MINDY4: variants seen among roughly 807,000 people sequenced by gnomAD.
MINDY4 encodes MINDY lysine 48 deubiquitinase 4.
Under a neutral mutation model 87.0 loss-of-function variants are expected in MINDY4, and 68 were observed. That is an observed-to-expected ratio of 0.78 (90% CI 0.64 to 0.96). The LOEUF (loss-of-function observed/expected upper bound fraction) is 0.96, where lower values mean the gene tolerates loss of function less well. Among genes scored for constraint, MINDY4 ranks in the 40% least tolerant of loss-of-function variants. MINDY4 has a pLI of 0.00. For missense variants in MINDY4, 919 were observed against 928.2 expected (o/e 0.99, Z 0.13); for synonymous variants, 379 against 363.2 (o/e 1.04, Z -0.50).
At chr7:30,795,143 G>C (rs1160117298) in intron 5 of MINDY4, among the ~76,000 whole-genome samples, 2 of 152,134 alleles carry the variant, frequency 1.3e-5, no homozygotes, top group Non-Finnish European at 2.9e-5. Context: ...GGGCCCCTCA[G>C]AGTGAGTTTC....
intron 3 of MINDY4, among the ~76,000 whole-genome samples, chr7:30,784,318 A>G (rs1175987223): frequency 6.6e-6 from 1 of 152,226 alleles, no homozygotes; most frequent in East Asian, 1.9e-4. Flanking sequence ...CATCTTCTGC[A>G]TCTGTGAGTC....
chr7:30,779,000 G>C (rs1285659280), intron 2 of MINDY4, among the ~76,000 whole-genome samples: 1 of 152,170 alleles, frequency 6.6e-6, no homozygotes, highest in Admixed American at 6.5e-5. Context: ...AATTTAGGTA[G>C]AGGAGGGAAT....
chr7:30,849,162 G>A (rs1228449881), intron 9 of MINDY4, among the ~76,000 whole-genome samples: 1 of 152,146 alleles, frequency 6.6e-6, no homozygotes, highest in Non-Finnish European at 1.5e-5. Flanking sequence ...GTGGTGGGCT[G>A]GGTTCTGGTC....
chr7:30,785,978 G>T lies in MINDY4; in HGVS notation c.649G>T (p.Ala217Ser). 3 of 1,614,096 alleles carry T rather than the reference G, an allele frequency of 1.9e-6. No homozygotes were observed. In the South Asian group the frequency reaches 3.3e-5, roughly 18 times the overall value. The change falls in exon 4 of 18, where the codon GCC (alanine) becomes TCC (serine). Residue 217 changes from alanine to serine, a missense_variant. Coordinates refer to ENST00000265299, the MANE Select transcript of MINDY4 (RefSeq NM_032222.3). ...IVRGMMSGPI[A>S]SSPQDSFHRH... The stretch of plus-strand genomic sequence containing the variant: ...GCGAGGCATGATGTCTGGGCCCATC[G>T]CCAGCTCCCCACAGGTGGGGCTGTT...
intron 1 of MINDY4, among the ~76,000 whole-genome samples, chr7:30,776,330 A>G (rs527436783): frequency 6.6e-6 from 1 of 152,098 alleles, no homozygotes; most frequent in Admixed American, 6.5e-5. Context: ...GGGCCTTTGC[A>G]CTTGCTGTTC....
At chr7:30,837,785 G>A (rs1033614904) in intron 7 of MINDY4, among the ~76,000 whole-genome samples, 4 of 152,190 alleles carry the variant, frequency 2.6e-5, no homozygotes, top group Non-Finnish European at 5.9e-5. Flanking sequence ...CCCAGGGCAC[G>A]TGGCCTCTGG....
At chr7:30,847,501 G>A (rs931545485) in intron 9 of MINDY4, among the ~76,000 whole-genome samples, 3 of 152,036 alleles carry the variant, frequency 2.0e-5, no homozygotes, top group African/African-American at 7.2e-5. Flanking sequence ...ACTTACCCAA[G>A]CTCTCCTTCC....
intron 8 of MINDY4, among the ~76,000 whole-genome samples, chr7:30,840,153 A>G (rs1348451698): frequency 2.0e-5 from 3 of 152,298 alleles, no homozygotes; most frequent in East Asian, 1.9e-4. Context: ...GCCTTTGCCA[A>G]TGTGTCCCAG....
intron 5 of MINDY4, among the ~76,000 whole-genome samples, chr7:30,799,110 T>C (rs757182197): frequency 6.6e-6 from 1 of 152,116 alleles, no homozygotes; most frequent in Non-Finnish European, 1.5e-5. Flanking sequence ...GGTTGCAGTC[T>C]GCTGAGCAGA....
intron 5 of MINDY4, among the ~76,000 whole-genome samples, chr7:30,822,035 G>A (rs755651493): frequency 1.1e-4 from 16 of 151,722 alleles, no homozygotes; most frequent in Non-Finnish European, 1.5e-4. Flanking sequence ...ATATATACAC[G>A]TATTTTTCTG....
At chr7:30,885,512 C>CA (rs1459866293) in intron 17 of MINDY4, among the ~76,000 whole-genome samples, 2 of 151,986 alleles carry the variant, frequency 1.3e-5, no homozygotes, top group African/African-American at 2.4e-5. Context: ...AACTCCGTCT[C>CA]AAAAAAACAA....
intron 13 of MINDY4, among the ~76,000 whole-genome samples, chr7:30,869,082 C>T (rs1257081783): frequency 6.6e-6 from 1 of 152,242 alleles, no homozygotes; most frequent in Non-Finnish European, 1.5e-5. Flanking sequence ...GTTCTGGGCC[C>T]TCCTGGCTCC....
intron 5 of MINDY4, among the ~76,000 whole-genome samples, chr7:30,796,389 A>G (rs1452941347): frequency 6.6e-6 from 1 of 152,168 alleles, no homozygotes; most frequent in Non-Finnish European, 1.5e-5. Flanking sequence ...TAGGGTCATC[A>G]TTAATTTCAT....
At chr7:30,791,653 C>G in intron 5 of MINDY4, 79 bp downstream of exon 5, 2 of 1,411,442 alleles carry the variant, frequency 1.4e-6, no homozygotes, top group South Asian at 2.9e-5. Context: ...CTAATGGCTC[C>G]GAAGGGAACT....
At chr7:30,801,652 G>A (rs1787654197) in intron 5 of MINDY4, among the ~76,000 whole-genome samples, 1 of 152,130 alleles carries the variant, frequency 6.6e-6, no homozygotes, top group Non-Finnish European at 1.5e-5. Context: ...TCCAGTGCAT[G>A]TTACAGGCCA....
intron 16 of MINDY4, 55 bp from the exon 17 acceptor site, chr7:30,882,866 C>A: frequency 6.4e-7 from 1 of 1,565,332 alleles, no homozygotes; most frequent in South Asian, 1.1e-5. Context: ...GCGCTGACCT[C>A]AGGGTGAGTG....
At chr7:30,837,297 G>A (rs374457719) in intron 7 of MINDY4, among the ~76,000 whole-genome samples, 26 of 152,080 alleles carry the variant, frequency 1.7e-4, no homozygotes, top group East Asian at 1.2e-3. Flanking sequence ...CACCATGCTC[G>A]GCTACCAGGG....
At chr7:30,853,897 T>C (rs1584318159) in intron 12 of MINDY4, among the ~76,000 whole-genome samples, 1 of 152,160 alleles carries the variant, frequency 6.6e-6, no homozygotes, top group East Asian at 1.9e-4. Flanking sequence ...CTTGGGTGGG[T>C]TGGAGGGCTT....
intron 5 of MINDY4, among the ~76,000 whole-genome samples, chr7:30,794,687 G>A (rs1218769370): frequency 6.6e-6 from 1 of 152,124 alleles, no homozygotes; most frequent in African/African-American, 2.4e-5. Flanking sequence ...GAGATGCTTG[G>A]AAAATATGTC....
Sources: gnomAD v4.1 joint callset for allele counts (sites outside exome capture counted in the v4.1 genomes callset) on GRCh38, gnomAD v4.1.1 for gene constraint, MANE v1.5 for transcripts, NCBI Gene and HGNC (gene_info 2026-07-23, HGNC 2026-07-21) for gene names.